BIRC6: variants seen among roughly 807,000 people sequenced by gnomAD.
BIRC6 encodes baculoviral IAP repeat containing 6.
In BIRC6, 98 loss-of-function variants were observed where a neutral mutation model predicts 503.3. That is an observed-to-expected ratio of 0.19 (90% CI 0.17 to 0.23). The LOEUF is 0.23. Among genes scored for constraint, BIRC6 ranks in the 10% least tolerant of loss-of-function variants. BIRC6 has a pLI of 1.00. For missense variants in BIRC6, 5,360 were observed against 5,806.0 expected (o/e 0.92, Z 2.50); for synonymous variants, 2,240 against 2,078.7 (o/e 1.08, Z -2.11).
intron 19 of BIRC6, 52 bp downstream of exon 19, chr2:32,442,507 A>G (rs944452401): frequency 3.6e-5 from 54 of 1,508,320 alleles, no homozygotes; most frequent in Non-Finnish European, 4.5e-5. Flanking sequence ...CCTGCAATTT[A>G]GTGGGTGATA....
rs77915559 is a variant in BIRC6 at position 32,446,399 on chromosome 2, T to C, written c.4484+731T>C. ...AATTAAGCAATAGCAAAAGGTTAGA[T>C]TTAAGTTCTTGCCTGATTGTCTACG... On this transcript the variant is annotated intron_variant, in intron 21 of 73. Transcript: ENST00000421745. Among the ~76,000 whole-genome samples the C allele has an allele frequency of 3.3e-4, 50 of 152,356 alleles. No homozygotes were observed. In the East Asian group the frequency reaches 8.7e-3, roughly 26 times the overall value.
chr2:32,611,693 A>G (rs2062884951), intron 73 of BIRC6, 111 bp downstream of exon 73: 4 of 1,097,952 alleles, frequency 3.6e-6, no homozygotes, highest in Middle Eastern at 4.5e-4. Flanking sequence ...GAAACATAAT[A>G]TGTATTTTCA....
chr2:32,478,165 C>T (rs953943453), intron 35 of BIRC6, among the ~76,000 whole-genome samples: 5 of 151,800 alleles, frequency 3.3e-5, no homozygotes, highest in Admixed American at 1.3e-4. Flanking sequence ...GGTGAAAACC[C>T]GTCCTTACTA....
chr2:32,395,711 C>G (rs953530567), intron 6 of BIRC6, 118 bp downstream of exon 6: 2 of 785,042 alleles, frequency 2.5e-6, no homozygotes, highest in African/African-American at 3.4e-5. Context: ...ATATTTTTGT[C>G]ATTGTCCTGA....
chr2:32,400,039 C>T (rs1018599417), intron 6 of BIRC6, among the ~76,000 whole-genome samples: 6 of 152,118 alleles, frequency 3.9e-5, no homozygotes, highest in African/African-American at 1.4e-4. Context: ...AAGGATCCAA[C>T]CACCTTGGCC....
chr2:32,509,741 T>C lies in BIRC6; in HGVS notation c.9984T>C (p.Ile3328=). ...ACAAGTCATTTTGTATTTTCAGTAT[T>C]GGATGGTTACGGTTATTACATCATT... ...PSEDQVSKTS[I]GWLRLLHHCL... is the part of the protein sequence containing the mutation. Residue 3328 remains isoleucine (I), a synonymous_variant, in exon 52 of 74, where the codon ATT becomes ATC. Transcript: ENST00000421745. The C allele has an allele frequency of 2.5e-6, 4 of 1,613,918 alleles. No homozygotes were observed. Among genetic ancestry groups the C allele is most frequent in the Non-Finnish European group, 3.4e-6 (4 of 1,179,854 alleles).
intron 46 of BIRC6, among the ~76,000 whole-genome samples, chr2:32,501,163 A>C (rs1452789454): frequency 6.6e-6 from 1 of 152,178 alleles, no homozygotes; most frequent in Non-Finnish European, 1.5e-5. Context: ...ACATTTGTAT[A>C]CTGTGGCAAA....
intron 8 of BIRC6, among the ~76,000 whole-genome samples, chr2:32,403,991 A>T (rs1169228950): frequency 2.7e-5 from 4 of 149,930 alleles, no homozygotes; most frequent in Non-Finnish European, 5.9e-5. Context: ...GCAGTGGCGC[A>T]ATCTTGGCTC....
intron 6 of BIRC6, among the ~76,000 whole-genome samples, chr2:32,395,882 A>G (rs954381973): frequency 6.6e-6 from 1 of 152,196 alleles, no homozygotes. Context: ...CGTGAGCTTC[A>G]GCAGTTGAAT....
chr2:32,396,347 G>A (rs2039885778), intron 6 of BIRC6, among the ~76,000 whole-genome samples: 1 of 152,196 alleles, frequency 6.6e-6, no homozygotes, highest in Non-Finnish European at 1.5e-5. Flanking sequence ...CATATGGCTA[G>A]TGATAGAGCC....
chr2:32,556,617 A>G (rs1351080663), intron 65 of BIRC6, among the ~76,000 whole-genome samples: 1 of 152,058 alleles, frequency 6.6e-6, no homozygotes, highest in African/African-American at 2.4e-5. Flanking sequence ...TTGTTTTGCA[A>G]ACTAGATGTT....
rs950339432 is a variant in BIRC6, at chr2:32,442,260, T to C, written c.4106+34T>C. 4.4e-6 allele frequency: 7 copies of C among 1,604,926 alleles called. No homozygotes were observed. The African/African-American group carries it at 8.0e-5, about 18-fold the overall frequency. On this transcript the variant is annotated intron_variant, in intron 18 of 73. Coordinates refer to ENST00000421745, the MANE Select transcript of BIRC6 (RefSeq NM_016252.4). ...TTAAAATTTTGCTTACCACTGTTGA[T>C]TGCCTTTTAGATGTTATGATTGAAA...
chr2:32,586,310 C>T (rs2061019785), intron 66 of BIRC6, among the ~76,000 whole-genome samples: 1 of 150,360 alleles, frequency 6.7e-6, no homozygotes, highest in Non-Finnish European at 1.5e-5. Flanking sequence ...GCCTCAGAAG[C>T]ATAACATATT....
At chr2:32,509,708 T>C (rs1397309299) in intron 51 of BIRC6, 30 bp from the exon 52 acceptor site, 5 of 1,612,746 alleles carry the variant, frequency 3.1e-6, no homozygotes, top group Non-Finnish European at 4.2e-6. Context: ...GCGACTTATA[T>C]TGATCATACA....
intron 65 of BIRC6, among the ~76,000 whole-genome samples, chr2:32,562,847 A>C (rs2059288335): frequency 6.6e-6 from 1 of 152,242 alleles, no homozygotes; most frequent in Admixed American, 6.5e-5. Context: ...CTTTTGAAGA[A>C]CATCTTGATT....
chr2:32,398,350 G>A (rs2149689932), intron 6 of BIRC6, among the ~76,000 whole-genome samples: 1 of 152,208 alleles, frequency 6.6e-6, no homozygotes, highest in Middle Eastern at 3.4e-3. Context: ...ATAGACTGTG[G>A]TCCAACAGTT....
chr2:32,552,156 A>G (rs2058467530), intron 65 of BIRC6, among the ~76,000 whole-genome samples: 1 of 152,152 alleles, frequency 6.6e-6, no homozygotes, highest in African/African-American at 2.4e-5. Context: ...TTTAAATGTC[A>G]ATTGTGGTTT....
In BIRC6 at chr2:32,430,932, C is replaced by T; in HGVS notation, c.3090C>T (p.Arg1030=). Residue 1030 remains arginine (R), a synonymous_variant, in exon 12 of 74, where the codon CGC becomes CGT. Coordinates refer to ENST00000421745, the MANE Select transcript of BIRC6 (RefSeq NM_016252.4). ...EILTSLVELT[R]FETLTPRFSA... ...TGACATCCCTAGTGGAGCTAACCCG[C>T]TTTGAGACTTTGACTCCAAGGTTTT... is the stretch of plus-strand genomic sequence containing the variant. The T allele has an allele frequency of 6.2e-7, 1 of 1,612,552 alleles. No homozygotes were observed. Among genetic ancestry groups the T allele is most frequent in the South Asian group, 1.1e-5 (1 of 91,052 alleles).
At chr2:32,617,245 C>A (rs534815415) in intron 73 of BIRC6, among the ~76,000 whole-genome samples, 13 of 152,182 alleles carry the variant, frequency 8.5e-5, no homozygotes, top group Middle Eastern at 3.4e-3. Context: ...ACTAAAAATA[C>A]AAAAAATTAG....
Sources: allele counts gnomAD v4.1 joint callset (sites outside exome capture counted in the v4.1 genomes callset), GRCh38; gene constraint gnomAD v4.1.1; transcripts MANE v1.5; gene names NCBI Gene and HGNC (gene_info 2026-07-23, HGNC 2026-07-21).